The following SAMMSON variants were observed in gnomAD, a reference collection of about 807,000 sequenced individuals.
SAMMSON encodes the protein survival associated mitochondrial melanoma specific oncogenic non-coding RNA, also known as long intergenic non-protein coding RNA 1212.
At chr3:70,012,435 G>A (rs2066961526) in exon 2 of SAMMSON, 1 of 151,948 alleles carries the variant, frequency 6.6e-6, no homozygotes, top group Non-Finnish European at 1.5e-5. Flanking sequence ...AAGACTTGAA[G>A]ATACTACACT....
intron 7 of SAMMSON, among the ~76,000 whole-genome samples, chr3:70,336,914 T>TC (rs1383483834): frequency 6.7e-6 from 1 of 148,522 alleles, no homozygotes; most frequent in Non-Finnish European, 1.5e-5. Context: ...TACCAGGGGT[T>TC]CATCTATTAC....
intron 7 of SAMMSON, among the ~76,000 whole-genome samples, chr3:70,322,130 A>G (rs935087297): frequency 1.3e-5 from 2 of 152,146 alleles, no homozygotes; most frequent in African/African-American, 4.8e-5. Context: ...AAATTACTTT[A>G]AAATTATTTA....
intron 4 of SAMMSON, among the ~76,000 whole-genome samples, chr3:70,150,287 C>T (rs1270788189): frequency 6.6e-6 from 1 of 152,074 alleles, no homozygotes; most frequent in African/African-American, 2.4e-5. Context: ...TTTATTCAAA[C>T]ATCCTGGTTT....
chr3:70,411,551 TCCCCA>T (rs2106768913), intron 2 of SAMMSON, among the ~76,000 whole-genome samples: 1 of 152,316 alleles, frequency 6.6e-6, no homozygotes, highest in South Asian at 2.1e-4. Flanking sequence ...TTTGGCTGTG[TCCCCA>T]CCCAAATCTC....
intron 6 of SAMMSON, among the ~76,000 whole-genome samples, chr3:70,266,335 A>G (rs1274426770): frequency 2.6e-5 from 4 of 152,190 alleles, no homozygotes; most frequent in South Asian, 4.2e-4. Context: ...TTAAACTGTA[A>G]TCGTTATTAA....
In SAMMSON at chr3:70,268,296, C is replaced by T. The variant is rs543059658; in HGVS notation, n.674+18626C>T. 3.9e-5 allele frequency among the ~76,000 whole-genome samples: 6 copies of T among 152,082 alleles called. No individual in the cohort carries two copies. In the South Asian group the frequency reaches 6.2e-4, roughly 16 times the overall value. On this transcript the variant is annotated intron_variant and non_coding_transcript_variant, in intron 6 of 9. Coordinates refer to ENST00000642114, the Ensembl canonical transcript of SAMMSON. ...GACCAGCCTGGACAGCACGGAGAAA[C>T]ACCCACCGTCTGTACTAAAATACAA... is the stretch of plus-strand genomic sequence containing the variant.
chr3:70,234,469 CA>C (rs1214971220), intron 4 of SAMMSON, among the ~76,000 whole-genome samples: 1 of 151,794 alleles, frequency 6.6e-6, no homozygotes, highest in Non-Finnish European at 1.5e-5. Context: ...GGCAACATAA[CA>C]AAACCCCATC....
intron 4 of SAMMSON, among the ~76,000 whole-genome samples, chr3:70,128,838 C>T (rs955529961): frequency 6.6e-6 from 1 of 152,118 alleles, no homozygotes; most frequent in Non-Finnish European, 1.5e-5. Flanking sequence ...ATTAATAACC[C>T]TCAGTATCTC....
chr3:70,247,826 T>G (rs1701722521), intron 4 of SAMMSON, among the ~76,000 whole-genome samples: 1 of 151,928 alleles, frequency 6.6e-6, no homozygotes, highest in South Asian at 2.1e-4. Flanking sequence ...GTTATGGTCA[T>G]TAAAAAAAAT....
At chr3:70,399,199 C>A (rs1056914951) in intron 2 of SAMMSON, among the ~76,000 whole-genome samples, 2 of 152,146 alleles carry the variant, frequency 1.3e-5, no homozygotes, top group Non-Finnish European at 2.9e-5. Context: ...ACAACATCCT[C>A]GTTGTTTATT....
At chr3:70,424,223 T>C (rs1048932113) in intron 2 of SAMMSON, among the ~76,000 whole-genome samples, 2 of 152,224 alleles carry the variant, frequency 1.3e-5, no homozygotes, top group African/African-American at 2.4e-5. Flanking sequence ...TAAATACTTC[T>C]TGATTCATAT....
intron 4 of SAMMSON, among the ~76,000 whole-genome samples, chr3:70,176,302 A>C (rs1231769458): frequency 6.6e-6 from 1 of 152,134 alleles, no homozygotes; most frequent in African/African-American, 2.4e-5. Context: ...AAACCCAAGA[A>C]ATGTACTTGA....
At chr3:70,158,482 G>A (rs1487099267) in intron 4 of SAMMSON, among the ~76,000 whole-genome samples, 1 of 151,394 alleles carries the variant, frequency 6.6e-6, no homozygotes, top group East Asian at 1.9e-4. Context: ...ATGTTTCCAA[G>A]TTTTAGCTAT....
rs563383249 is a variant in SAMMSON at position 70,380,615 on chromosome 3, G to A, written n.914-8959G>A. On this transcript the variant is annotated intron_variant and non_coding_transcript_variant, in intron 9 of 9. Transcript: ENST00000642114. ...GTGCAGGTTAGTTACATATGTATAC[G>A]TGTGCCATGTTGGTGTGCTGCACCT... Among the ~76,000 whole-genome samples, 47 of 151,736 alleles carry A rather than the reference G, an allele frequency of 3.1e-4. 1 individual carries two copies. In the South Asian group the frequency reaches 8.5e-3, roughly 28 times the overall value.
chr3:70,376,313 T>A (rs1703014218), intron 9 of SAMMSON, among the ~76,000 whole-genome samples: 1 of 152,174 alleles, frequency 6.6e-6, no homozygotes, highest in African/African-American at 2.4e-5. Context: ...TTGGGTAAAG[T>A]GTTTTCAAAA....
chr3:70,008,362 A>G (rs1367770319), intron 1 of SAMMSON, among the ~76,000 whole-genome samples: 8 of 152,108 alleles, frequency 5.3e-5, no homozygotes, highest in Admixed American at 2.6e-4. Context: ...GGTCCTTCAC[A>G]TCCCTTGTAA....
chr3:70,298,119 C>T (rs1226845388), intron 7 of SAMMSON, among the ~76,000 whole-genome samples: 1 of 151,874 alleles, frequency 6.6e-6, no homozygotes, highest in Non-Finnish European at 1.5e-5. Context: ...GATGGTTTGA[C>T]CAGATAAGGA....
chr3:70,080,361 C>T (rs557376762), intron 4 of SAMMSON, among the ~76,000 whole-genome samples: 1 of 152,320 alleles, frequency 6.6e-6, no homozygotes, highest in Non-Finnish European at 1.5e-5. Flanking sequence ...GCAACCCAAC[C>T]TAAGGCAAGT....
chr3:70,003,027 G>A (rs2066912090), intron 1 of SAMMSON, among the ~76,000 whole-genome samples: 1 of 151,972 alleles, frequency 6.6e-6, no homozygotes, highest in East Asian at 1.9e-4. Context: ...TGTATTTTGA[G>A]GTTATGTTGT....
Sources: gnomAD v4.1 joint callset for allele counts (sites outside exome capture counted in the v4.1 genomes callset) on GRCh38, gnomAD v4.1.1 for gene constraint, MANE v1.5 for transcripts, NCBI Gene and HGNC (gene_info 2026-07-23, HGNC 2026-07-21) for gene names.